PLCZ1: variants seen among roughly 807,000 people sequenced by gnomAD.
PLCZ1 encodes the protein phospholipase C zeta 1.
Under a neutral mutation model 76.8 loss-of-function variants are expected in PLCZ1, and 64 were observed. That is an observed-to-expected ratio of 0.83 (90% CI 0.68 to 1.03). The LOEUF (loss-of-function observed/expected upper bound fraction) is 1.03, where lower values mean the gene tolerates loss of function less well. Among genes scored for constraint, PLCZ1 ranks in the 50% least tolerant of loss-of-function variants. PLCZ1 has a pLI of 0.00. For missense variants in PLCZ1, 751 were observed against 713.7 expected (o/e 1.05, Z -0.60); for synonymous variants, 248 against 230.8 (o/e 1.07, Z -0.68).
At chr12:18,701,627 C>T in intron 8 of PLCZ1, 59 bp from the exon 9 acceptor site, 5 of 1,568,918 alleles carry the variant, frequency 3.2e-6, no homozygotes, top group Non-Finnish European at 4.3e-6. Flanking sequence ...CCTCCTCCTC[C>T]TCCTCCTCCT....
intron 13 of PLCZ1, among the ~76,000 whole-genome samples, chr12:18,686,240 ACTT>A (rs370574057): frequency 2.0e-5 from 3 of 151,846 alleles, no homozygotes; most frequent in East Asian, 1.9e-4. Flanking sequence ...CCTCTCGTAT[ACTT>A]CTTCTCAAAT....
At chr12:18,657,074 C>A in the PLCZ1 span, among the ~76,000 whole-genome samples, 2 of 152,082 alleles carry the variant, frequency 1.3e-5, no homozygotes, top group Non-Finnish European at 2.9e-5. Context: ...CCCAAAAAAA[C>A]AAGCCCAAAG....
chr12:18,650,537 A>G, the PLCZ1 span, among the ~76,000 whole-genome samples: 4 of 150,210 alleles, frequency 2.7e-5, no homozygotes, highest in Admixed American at 6.6e-5. Context: ...GCTCATTTAC[A>G]TTACCATATA....
At chr12:18,698,021 A>T (rs1322817858) in intron 10 of PLCZ1, among the ~76,000 whole-genome samples, 1 of 151,620 alleles carries the variant, frequency 6.6e-6, no homozygotes, top group Non-Finnish European at 1.5e-5. Flanking sequence ...TAATACAATT[A>T]TAATTAATTT....
In PLCZ1 at chr12:18,688,177, A is replaced by C; in HGVS notation, c.1503T>G (p.Ser501=). 1 of 1,611,206 alleles carries C rather than the reference A, an allele frequency of 6.2e-7. No individual in the cohort carries two copies. Among genetic ancestry groups the C allele is most frequent in the Non-Finnish European group, 8.5e-7 (1 of 1,178,788 alleles). ...TAATTACTAATGAATCACCTTTGTT[A>C]GATGATGAATGAGTAAGAGGCAACT... is the stretch of plus-strand genomic sequence containing the variant. ...GIQLPLTHSS[S]NKGDSLVIIE... The change falls in exon 13 of 15, where the codon TCT becomes TCG. Residue 501 remains serine, a synonymous_variant. Coordinates refer to ENST00000266505, the MANE Select transcript of PLCZ1 (RefSeq NM_033123.4).
chr12:18,679,554 C>G (rs537080239), downstream of PLCZ1, among the ~76,000 whole-genome samples: 1 of 152,018 alleles, frequency 6.6e-6, no homozygotes, highest in South Asian at 2.1e-4. Flanking sequence ...AAACCATAGG[C>G]AATGTTTATA....
chr12:18,733,699 C>T (rs1959167580), intron 3 of PLCZ1, among the ~76,000 whole-genome samples: 1 of 152,082 alleles, frequency 6.6e-6, no homozygotes, highest in Admixed American at 6.5e-5. Context: ...CCAGTTTTCC[C>T]AATGCCATTT....
At chr12:18,705,457 T>A in intron 6 of PLCZ1, 142 bp from the exon 7 acceptor site, 1 of 1,010,314 alleles carries the variant, frequency 9.9e-7, no homozygotes, top group Non-Finnish European at 1.5e-6. Flanking sequence ...AAACTGAAAG[T>A]ACTTTTGAGT....
rs17422274 is a variant in PLCZ1 at position 18,727,856 on chromosome 12, T to C, written c.136-4314A>G. ...TGCATATGAGTCAACTTGGGACTTG[T>C]TGAAATGCAATCAGCTTCATTTCTG... On this transcript the variant is annotated intron_variant, in intron 3 of 14. Coordinates refer to ENST00000266505, the MANE Select transcript of PLCZ1 (RefSeq NM_033123.4). Among the ~76,000 whole-genome samples the C allele has an allele frequency of 4.6e-5, 7 of 152,280 alleles. No individual in the cohort carries two copies. In the East Asian group the frequency reaches 1.4e-3, roughly 29 times the overall value.
intron 12 of PLCZ1, chr12:18,693,810 G>T (rs1218474862): frequency 6.6e-7 from 1 of 1,522,296 alleles, no homozygotes; most frequent in African/African-American, 1.4e-5. Context: ...ATCAGACCAG[G>T]CCGCATTGGC....
chr12:18,673,059 G>T, the PLCZ1 span, among the ~76,000 whole-genome samples: 43 of 152,192 alleles, frequency 2.8e-4, no homozygotes, highest in African/African-American at 1.0e-3. Flanking sequence ...ACATAGAAGA[G>T]AATTAAAAAG....
At chr12:18,679,781 A>C (rs1451966377), downstream of PLCZ1, among the ~76,000 whole-genome samples, 3 of 152,002 alleles carry the variant, frequency 2.0e-5, no homozygotes, top group Non-Finnish European at 2.9e-5. Context: ...TTATGTACAC[A>C]TGGAAAGTAG....
intron 8 of PLCZ1, 38 bp from the exon 9 acceptor site, chr12:18,701,606 A>ATCCTCCTCCTCC (rs11279217): frequency 7.4e-5 from 113 of 1,524,948 alleles, no homozygotes; most frequent in East Asian, 1.2e-4. Flanking sequence ...CTTTGAATTT[A>ATCCTCCTCCTCC]TCCTCCTCCT....
At chr12:18,735,401 T>C (rs1013599194) in intron 3 of PLCZ1, among the ~76,000 whole-genome samples, 4 of 152,158 alleles carry the variant, frequency 2.6e-5, no homozygotes, top group Admixed American at 2.6e-4. Context: ...CGTTGGGCAG[T>C]TTTTGATTAC....
At chr12:18,732,665 C>CTCCTTCT (rs1199799347) in intron 3 of PLCZ1, among the ~76,000 whole-genome samples, 6 of 152,176 alleles carry the variant, frequency 3.9e-5, no homozygotes, top group African/African-American at 1.4e-4. Flanking sequence ...ATTCAACTCT[C>CTCCTTCT]TCCTTCTATA....
chr12:18,701,442 A>G, intron 9 of PLCZ1, 59 bp downstream of exon 9: 4 of 1,607,710 alleles, frequency 2.5e-6, no homozygotes, highest in Non-Finnish European at 2.5e-6. Flanking sequence ...AAAATCTCCA[A>G]GAATAAAATT....
At position 18,705,998 on chromosome 12, in the gene PLCZ1, G is replaced by C. The variant is rs375920016; in HGVS notation, c.715-683C>G. On this transcript the variant is annotated intron_variant, in intron 6 of 14. Coordinates refer to ENST00000266505, the MANE Select transcript of PLCZ1 (RefSeq NM_033123.4). ...TCCCAGCACTTTGGGAGGCCGAGGC[G>C]GGTGGATCACCTGGGGTCAGGAGTT... Among the ~76,000 whole-genome samples the C allele has an allele frequency of 3.3e-5, 5 of 151,928 alleles. No individual in the cohort carries two copies. In the East Asian group the frequency reaches 9.7e-4, roughly 29 times the overall value.
At chr12:18,689,363 G>A (rs564208016) in intron 12 of PLCZ1, among the ~76,000 whole-genome samples, 1 of 152,120 alleles carries the variant, frequency 6.6e-6, no homozygotes, top group Non-Finnish European at 1.5e-5. Flanking sequence ...CAACCTGCGG[G>A]CCACATGTGG....
the PLCZ1 span, among the ~76,000 whole-genome samples, chr12:18,649,454 G>A: frequency 2.0e-5 from 3 of 152,176 alleles, no homozygotes; most frequent in East Asian, 5.8e-4. Context: ...ACTGTCTAAT[G>A]GATAATTCTG....
Sources: gnomAD v4.1 joint callset for allele counts (sites outside exome capture counted in the v4.1 genomes callset) on GRCh38, gnomAD v4.1.1 for gene constraint, MANE v1.5 for transcripts, NCBI Gene and HGNC (gene_info 2026-07-23, HGNC 2026-07-21) for gene names.